GRIA1: variants seen among roughly 807,000 people sequenced by gnomAD.
GRIA1 encodes glutamate ionotropic receptor AMPA type subunit 1.
A neutral mutation model predicts 99.2 loss-of-function variants in GRIA1; 31 were observed. The observed-to-expected ratio is 0.31, with a 90% confidence interval of 0.23 to 0.42. GRIA1 has a LOEUF of 0.42. Ranked by LOEUF, GRIA1 falls within the 10% of genes least tolerant of loss-of-function variation. The pLI, the probability that GRIA1 is intolerant of heterozygous loss-of-function variation, is 1.00. For synonymous variants in GRIA1, 438 were observed against 432.4 expected (o/e 1.01, Z -0.16); for missense variants, 782 against 1,157.5 (o/e 0.68, Z 4.71).
At chr5:153,725,212 C>T (rs1252317514) in intron 11 of GRIA1, among the ~76,000 whole-genome samples, 1 of 151,538 alleles carries the variant, frequency 6.6e-6, no homozygotes, top group African/African-American at 2.4e-5. Flanking sequence ...GATTTTGTCA[C>T]CACCAGGCCT....
chr5:153,544,803 G>C (rs1759457109), intron 2 of GRIA1, among the ~76,000 whole-genome samples: 1 of 152,068 alleles, frequency 6.6e-6, no homozygotes, highest in Admixed American at 6.5e-5. Flanking sequence ...TAGTGAGTGT[G>C]GCCAGTATTA....
intron 12 of GRIA1, among the ~76,000 whole-genome samples, chr5:153,765,977 G>A (rs997496612): frequency 1.3e-5 from 2 of 152,170 alleles, no homozygotes; most frequent in Non-Finnish European, 2.9e-5. Flanking sequence ...AAAGAGAAGG[G>A]ATCCTGTACA....
In GRIA1 at chr5:153,657,370, C is replaced by T. The variant is rs193181975; in HGVS notation, c.699+1498C>T. Among the ~76,000 whole-genome samples the T allele has an allele frequency of 4.6e-5, 7 of 152,268 alleles. No individual in the cohort carries two copies. The East Asian group carries it at 1.3e-3, about 29-fold the overall frequency. On this transcript the variant is annotated intron_variant, in intron 5 of 15. Transcript: ENST00000285900. ...TGTCTCTTAATGATAACTATTTCTACAGTTTATTATCCTGTTCTGTCTTTG... is the reference window on the plus strand; with the variant it reads ...TGTCTCTTAATGATAACTATTTCTATAGTTTATTATCCTGTTCTGTCTTTG...
intron 8 of GRIA1, among the ~76,000 whole-genome samples, chr5:153,693,006 A>G (rs1757866093): frequency 6.6e-6 from 1 of 152,204 alleles, no homozygotes; most frequent in Non-Finnish European, 1.5e-5. Flanking sequence ...TAATTTAGAT[A>G]ATCCTAGGTG....
At chr5:153,774,079 CA>C (rs66515258) in intron 13 of GRIA1, among the ~76,000 whole-genome samples, 53,355 of 117,958 alleles carry the variant, frequency 0.45, 13,249 homozygotes, top group East Asian at 0.92. Flanking sequence ...CCCCTCCCCC[CA>C]CACACACACA....
intron 15 of GRIA1, among the ~76,000 whole-genome samples, chr5:153,809,727 C>T (rs754236035): frequency 3.9e-5 from 6 of 152,174 alleles, no homozygotes; most frequent in Non-Finnish European, 5.9e-5. Flanking sequence ...TGGCCCTTGC[C>T]CTCCTCCAGA....
intron 2 of GRIA1, among the ~76,000 whole-genome samples, chr5:153,498,194 T>C (rs1351358302): frequency 6.6e-6 from 1 of 152,170 alleles, no homozygotes; most frequent in African/African-American, 2.4e-5. Context: ...CTCAATTTGC[T>C]GAGATGGGAC....
chr5:153,581,640 C>A (rs1214288253), intron 2 of GRIA1, among the ~76,000 whole-genome samples: 2 of 152,158 alleles, frequency 1.3e-5, no homozygotes, highest in African/African-American at 4.8e-5. Flanking sequence ...TTTGGCCCCA[C>A]TCCTACCCCT....
chr5:153,741,946 A>AAG (rs58115492), intron 11 of GRIA1, among the ~76,000 whole-genome samples: 56,935 of 149,780 alleles, frequency 0.38, 11,676 homozygotes, highest in East Asian at 0.85. Context: ...AAAAAAAAAA[A>AAG]AAAAGAAAAA....
At chr5:153,518,866 C>CGTGCTCCATGTCAGAGCCA (rs1554092558) in intron 2 of GRIA1, among the ~76,000 whole-genome samples, 1 of 152,138 alleles carries the variant, frequency 6.6e-6, no homozygotes, top group Non-Finnish European at 1.5e-5. Flanking sequence ...AGCCTGGCAT[C>CGTGCTCCATGTCAGAGCCA]GTGCTCCATG....
chr5:153,555,761 G>A (rs1203271954), intron 2 of GRIA1, among the ~76,000 whole-genome samples: 3 of 152,180 alleles, frequency 2.0e-5, no homozygotes, highest in Non-Finnish European at 4.4e-5. Flanking sequence ...ACTGCTAAAG[G>A]AGACTCAGGT....
chr5:153,685,170 C>T (rs923353698), intron 7 of GRIA1, among the ~76,000 whole-genome samples: 3 of 152,216 alleles, frequency 2.0e-5, no homozygotes, highest in African/African-American at 7.2e-5. Flanking sequence ...CACCTCACCT[C>T]ACTGGCCTTA....
intron 2 of GRIA1, among the ~76,000 whole-genome samples, chr5:153,549,595 T>C (rs1759941718): frequency 6.6e-6 from 1 of 152,034 alleles, no homozygotes; most frequent in African/African-American, 2.4e-5. Flanking sequence ...GGCAACAACA[T>C]CCAAAAAGTG....
At chr5:153,663,932 CT>C (rs1254637902) in intron 5 of GRIA1, among the ~76,000 whole-genome samples, 3 of 152,138 alleles carry the variant, frequency 2.0e-5, no homozygotes, top group African/African-American at 7.2e-5. Flanking sequence ...TTGGAATGGC[CT>C]TTTTCATGCT....
rs369807568 is a variant in GRIA1, at chr5:153,698,092, G to A, written c.1183G>A (p.Ala395Thr). 31 of 1,611,834 alleles carry A rather than the reference G, an allele frequency of 1.9e-5. No homozygotes were observed. Among genetic ancestry groups the A allele is most frequent in the Admixed American group, 1.3e-4 (8 of 60,000 alleles). Residue 395 changes from alanine to threonine, a missense_variant, in exon 9 of 16, where the codon GCC becomes ACC. Transcript: ENST00000285900. The part of the protein sequence containing the change: ...DDKFVPAATD[A>T]QAGGDNSSVQ... The stretch of plus-strand genomic sequence containing the variant: ...TAAGTTTGTCCCTGCAGCCACCGAT[G>A]CCCAAGCTGGGGGCGATAATTCAAG...
At chr5:153,751,400 C>T (rs766357195) in intron 11 of GRIA1, among the ~76,000 whole-genome samples, 1 of 152,224 alleles carries the variant, frequency 6.6e-6, no homozygotes, top group Non-Finnish European at 1.5e-5. Flanking sequence ...CTCTGATATT[C>T]GCAGTAGAGA....
At chr5:153,702,483 A>T (rs1374420311) in intron 10 of GRIA1, among the ~76,000 whole-genome samples, 3 of 152,226 alleles carry the variant, frequency 2.0e-5, no homozygotes, top group African/African-American at 7.2e-5. Context: ...CTCAGAGCAG[A>T]TCTCCATTTC....
Position 153,813,600 on chromosome 5 carries a change from A to G in GRIA1, c.*2375A>G, listed in dbSNP as rs1426615209. The G allele has an allele frequency of 6.6e-6, 1 of 152,138 alleles. No individual in the cohort carries two copies. Among genetic ancestry groups the G allele is most frequent in the East Asian group, 1.9e-4 (1 of 5,196 alleles). The allele number at this position is 152,138 out of a possible 1,614,324, so 9.4% of individuals were successfully genotyped here. On this transcript the variant is annotated 3_prime_UTR_variant, in exon 16 of 16. Transcript: ENST00000285900. ...TTCTTAAAAATAGAGCATTGGGAAA[A>G]CTCTGAAAGAGACTGACATTTTTCT...
chr5:153,612,770 G>A (rs1276806462), intron 2 of GRIA1, among the ~76,000 whole-genome samples: 2 of 152,146 alleles, frequency 1.3e-5, no homozygotes, highest in Non-Finnish European at 2.9e-5. Context: ...AGCATTTGCT[G>A]CAAGCTTCGT....
Sources: allele counts gnomAD v4.1 joint callset (sites outside exome capture counted in the v4.1 genomes callset), GRCh38; gene constraint gnomAD v4.1.1; transcripts MANE v1.5; gene names NCBI Gene and HGNC (gene_info 2026-07-23, HGNC 2026-07-21).